Variants in SATL1 observed in about 807,000 individuals in gnomAD.
SATL1 encodes the protein spermidine/spermine N(1)-acetyltransferase-like protein 1.
Under a neutral mutation model 51.8 loss-of-function variants are expected in SATL1, and 47 were observed. That is an observed-to-expected ratio of 0.91 (90% CI 0.72 to 1.16). SATL1 has a LOEUF of 1.16. SATL1 is among the 50% of genes most tolerant of loss of function. The probability of loss-of-function intolerance (pLI) is 0.00; values close to 1 mark genes in which losing one functional copy is unlikely to be tolerated. For missense variants in SATL1, 520 were observed against 526.4 expected (o/e 0.99, Z 0.12); for synonymous variants, 176 against 182.4 (o/e 0.97, Z 0.28).
intron 2 of SATL1, among the ~76,000 whole-genome samples, chrX:85,181,550 T>C (rs957214288): frequency 9.0e-6 from 1 of 110,652 alleles, no homozygotes; most frequent in African/African-American, 3.3e-5. Context: ...CAGATTTTTC[T>C]GAGTGTTAGT....
Position 85,096,179 on chromosome X carries a change from T to C in SATL1, c.1694-1183A>G, listed in dbSNP as rs143045164. Among the ~76,000 whole-genome samples the C allele has an allele frequency of 7.6e-3, 846 of 111,012 alleles. 10 individuals are homozygous for C. The highest frequency in any genetic ancestry group is 0.026 in the African/African-American group (795 of 30,513). On this transcript the variant is annotated intron_variant, in intron 4 of 7. Transcript: ENST00000644105. ...CATGCACAAATACAGGAAAAATATATGTAAACAAAATAATATAGATATAAA... is the reference window on the plus strand; with the variant it reads ...CATGCACAAATACAGGAAAAATATACGTAAACAAAATAATATAGATATAAA...
chrX:85,230,117 A>T (rs1928351943), intron 1 of SATL1, among the ~76,000 whole-genome samples: 1 of 111,919 alleles, frequency 8.9e-6, no homozygotes, highest in African/African-American at 3.2e-5. Flanking sequence ...AAAAAGCCAA[A>T]GCAATCTTGA....
intron 2 of SATL1, among the ~76,000 whole-genome samples, chrX:85,195,619 C>T (rs1927540563): frequency 9.1e-6 from 1 of 110,006 alleles, no homozygotes; most frequent in Non-Finnish European, 1.9e-5. Context: ...TCAAGACCAG[C>T]CTGGCCAACG....
rs750109670 is a variant in SATL1, at chrX:85,143,635, T to C, written c.-312-34355A>G. 3.6e-5 allele frequency: 4 copies of C among 111,899 alleles called. No homozygotes were observed. The East Asian group carries it at 1.1e-3, about 31-fold the overall frequency. The allele number at this position is 111,899 out of a possible 1,213,427, so 9.2% of individuals were successfully genotyped here. A position where few individuals can be genotyped will look rare whatever the true frequency, so the allele number is the denominator to read the frequency against. On this transcript the variant is annotated intron_variant, in intron 2 of 7. Transcript: ENST00000644105. Reference sequence around the variant, plus strand: ...ACTAGACAGTATTACAAGCAAAGGTTCTGTTGTTTAAAATTCACAAACCTG... The same window carrying C: ...ACTAGACAGTATTACAAGCAAAGGTCCTGTTGTTTAAAATTCACAAACCTG...
At chrX:85,207,933 A>T (rs1261224760) in intron 2 of SATL1, 1 of 111,583 alleles carries the variant, frequency 9.0e-6, no homozygotes, top group Non-Finnish European at 1.9e-5. Context: ...TTTAAGTTCT[A>T]GGGTACATGT....
intron 2 of SATL1, chrX:85,118,445 G>C (rs1403028595): frequency 9.1e-6 from 1 of 110,191 alleles, no homozygotes. Flanking sequence ...GGTAACCCTG[G>C]AGAAGGAAGG....
intron 1 of SATL1, among the ~76,000 whole-genome samples, chrX:85,226,037 T>C (rs964841363): frequency 2.7e-5 from 3 of 110,615 alleles, no homozygotes; most frequent in African/African-American, 9.9e-5. Flanking sequence ...GTCCTTTATC[T>C]CTGTTTACTT....
intron 1 of SATL1, among the ~76,000 whole-genome samples, chrX:85,238,656 A>G (rs1282448870): frequency 1.8e-5 from 2 of 111,714 alleles, no homozygotes; most frequent in Non-Finnish European, 3.8e-5. Context: ...CTGGTAGCAC[A>G]GCAGTGTGAC....
intron 2 of SATL1, among the ~76,000 whole-genome samples, chrX:85,213,959 G>A (rs1927983115): frequency 9.0e-6 from 1 of 111,177 alleles, no homozygotes; most frequent in African/African-American, 3.3e-5. Flanking sequence ...AGAATATAGA[G>A]GGGAAGCTGG....
rs781393614 is a variant in SATL1, at chrX:85,206,593, A to G, written c.-313+17612T>C. Among the ~76,000 whole-genome samples the G allele has an allele frequency of 2.7e-5, 3 of 111,629 alleles. No individual in the cohort carries two copies. The South Asian group carries it at 1.1e-3, about 42-fold the overall frequency. ...GCACTTTCAGCAAAGAGGTGGGAAC[A>G]GAAGCAAGCCTGAAATAAATTGAAA... is the stretch of plus-strand genomic sequence containing the variant. On this transcript the variant is annotated intron_variant, in intron 2 of 7. Coordinates refer to ENST00000644105, the MANE Select transcript of SATL1 (RefSeq NM_001367857.2).
chrX:85,180,992 A>C (rs1386288707), intron 2 of SATL1, among the ~76,000 whole-genome samples: 1 of 110,029 alleles, frequency 9.1e-6, no homozygotes, highest in East Asian at 2.8e-4. Context: ...GAAAGATGAG[A>C]ACTGCTGCTG....
chrX:85,210,385 G>A (rs183008118), intron 2 of SATL1: 67 of 77,444 alleles, frequency 8.7e-4, no homozygotes, highest in African/African-American at 2.7e-3. Flanking sequence ...GTTTAAATTC[G>A]GTCCAAACTG....
intron 2 of SATL1, among the ~76,000 whole-genome samples, chrX:85,205,309 T>C (rs1393110438): frequency 8.9e-6 from 1 of 112,318 alleles, no homozygotes; most frequent in Non-Finnish European, 1.9e-5. Context: ...GTTCTATACA[T>C]TGGTGAAAGA....
intron 2 of SATL1, among the ~76,000 whole-genome samples, chrX:85,160,461 A>AG (rs1374432824): frequency 9.0e-6 from 1 of 110,875 alleles, no homozygotes; most frequent in African/African-American, 3.3e-5. Flanking sequence ...AGGAGCTGAC[A>AG]GAAAAAATAG....
chrX:85,169,811 C>T (rs764146083), intron 2 of SATL1, among the ~76,000 whole-genome samples: 1 of 111,631 alleles, frequency 9.0e-6, no homozygotes, highest in African/African-American at 3.2e-5. Context: ...ATCATAAAGA[C>T]ATATGCACAT....
At chrX:85,119,566 C>T (rs1306229352) in intron 2 of SATL1, among the ~76,000 whole-genome samples, 3 of 111,660 alleles carry the variant, frequency 2.7e-5, no homozygotes, top group Non-Finnish European at 3.8e-5. Flanking sequence ...TTGTATAATA[C>T]ATTTTAAAAT....
intron 2 of SATL1, among the ~76,000 whole-genome samples, chrX:85,153,543 G>A (rs1926518058): frequency 8.9e-6 from 1 of 111,988 alleles, no homozygotes; most frequent in Non-Finnish European, 1.9e-5. Flanking sequence ...CTGACTCAGT[G>A]TGTTAAAACC....
chrX:85,201,561 C>T (rs966311489), intron 2 of SATL1, among the ~76,000 whole-genome samples: 2 of 110,569 alleles, frequency 1.8e-5, no homozygotes, highest in African/African-American at 6.6e-5. Flanking sequence ...ATTACATCAC[C>T]CAGGTATTAA....
intron 2 of SATL1, among the ~76,000 whole-genome samples, chrX:85,151,456 A>G (rs952463432): frequency 1.3e-3 from 149 of 111,499 alleles, no homozygotes; most frequent in African/African-American, 4.8e-3. Flanking sequence ...CACCGAATTC[A>G]AAAAAACTAC....
Sources: gnomAD v4.1 joint callset for allele counts (sites outside exome capture counted in the v4.1 genomes callset) on GRCh38, gnomAD v4.1.1 for gene constraint, MANE v1.5 for transcripts, NCBI Gene and HGNC (gene_info 2026-07-23, HGNC 2026-07-21) for gene names.